Variants in WDR49 observed in about 807,000 individuals in gnomAD.
WDR49 encodes the protein cilia- and flagella-associated protein 337.
Under a neutral mutation model 119.5 loss-of-function variants are expected in WDR49, and 107 were observed. The ratio of observed to expected loss-of-function variants is 0.90; its 90% confidence interval spans 0.77 to 1.05. WDR49 has a LOEUF of 1.05. Ranked by LOEUF, WDR49 falls within the 50% of genes least tolerant of loss-of-function variation. The pLI, the probability that WDR49 is intolerant of heterozygous loss-of-function variation, is 0.00. For missense variants in WDR49, 1,240 were observed against 1,220.5 expected (o/e 1.02, Z -0.24); for synonymous variants, 425 against 418.8 (o/e 1.01, Z -0.18).
chr3:167,618,309 A>G (rs1344130304), intron 5 of WDR49, among the ~76,000 whole-genome samples: 1 of 152,212 alleles, frequency 6.6e-6, no homozygotes, highest in African/African-American at 2.4e-5. Flanking sequence ...TTTCTATTTC[A>G]TTCAGATATT....
intron 18 of WDR49, among the ~76,000 whole-genome samples, chr3:167,498,821 G>A (rs1379442854): frequency 6.6e-6 from 1 of 152,162 alleles, no homozygotes; most frequent in Non-Finnish European, 1.5e-5. Context: ...ACCCTCCTCA[G>A]TCAGATAAGG....
At position 167,553,627 on chromosome 3, in the gene WDR49, C is replaced by A. The variant is rs1029592589; in HGVS notation, c.1823+1023G>T. Among the ~76,000 whole-genome samples, 9 of 152,050 alleles carry A rather than the reference C, an allele frequency of 5.9e-5. 1 individual carries two copies. Among genetic ancestry groups the A allele is most frequent in the Admixed American group, 1.3e-4 (2 of 15,254 alleles). ...GGTAGAGAGCTAAACTTATTCATTG[C>A]CATTTTCTAAGTATAGCGATCATTA... On this transcript the variant is annotated intron_variant, in intron 10 of 18. Coordinates refer to ENST00000682715, the MANE Select transcript of WDR49 (RefSeq NM_001366157.1).
intron 18 of WDR49, among the ~76,000 whole-genome samples, chr3:167,487,882 T>C (rs1269189407): frequency 2.6e-5 from 4 of 151,842 alleles, no homozygotes; most frequent in Admixed American, 2.0e-4. Flanking sequence ...AACAGATTCT[T>C]GCAAGGCTGT....
Position 167,653,256 on chromosome 3 carries a change from C to A in WDR49, c.165+5G>T. 1 of 1,536,140 alleles carries A rather than the reference C, an allele frequency of 6.5e-7. No homozygotes were observed. The highest frequency in any genetic ancestry group is 1.2e-5 in the South Asian group (1 of 84,058). On this transcript the variant is annotated splice_donor_5th_base_variant and intron_variant, in intron 2 of 18. Transcript: ENST00000682715. ...AACTATCTGGTCAATAAGCTTCACA[C>A]TTACCTCAAAGGCCTTCTGTATTTT...
At chr3:167,482,731 AT>A (rs1254594611) in intron 18 of WDR49, among the ~76,000 whole-genome samples, 5 of 152,056 alleles carry the variant, frequency 3.3e-5, no homozygotes, top group Admixed American at 6.6e-5. Flanking sequence ...TTTGAAAAAA[AT>A]AACTTGCTGG....
At chr3:167,508,560 A>G (rs900218949) in intron 16 of WDR49, among the ~76,000 whole-genome samples, 2 of 152,198 alleles carry the variant, frequency 1.3e-5, no homozygotes, top group African/African-American at 4.8e-5. Context: ...CAAAAGCAAG[A>G]CAATATTTTT....
At chr3:167,634,533 T>C (rs968465622) in intron 2 of WDR49, among the ~76,000 whole-genome samples, 3 of 151,860 alleles carry the variant, frequency 2.0e-5, no homozygotes, top group African/African-American at 7.2e-5. Context: ...AAAAAGCATG[T>C]TTTTCAGTTA....
At chr3:167,533,959 G>A (rs559854382) in intron 11 of WDR49, among the ~76,000 whole-genome samples, 1 of 151,958 alleles carries the variant, frequency 6.6e-6, no homozygotes, top group Non-Finnish European at 1.5e-5. Flanking sequence ...GGAGGCCGAG[G>A]TGGGCAGATC....
chr3:167,542,394 C>T (rs920199615), intron 10 of WDR49, among the ~76,000 whole-genome samples: 4 of 151,994 alleles, frequency 2.6e-5, no homozygotes, highest in South Asian at 2.1e-4. Context: ...GGTGAAAAAA[C>T]AAGTTTCAAT....
In WDR49 at chr3:167,560,243, C is replaced by T; in HGVS notation, c.1510-15G>A. 1 of 1,604,636 alleles carries T rather than the reference C, an allele frequency of 6.2e-7. No homozygotes were observed. Among genetic ancestry groups the T allele is most frequent in the Non-Finnish European group, 8.5e-7 (1 of 1,175,320 alleles). ...GAGCTGATTACCTAAGAGAAAATAA[C>T]ATTTTAAAGAAATTAAATATAGTCT... On this transcript the variant is annotated splice_polypyrimidine_tract_variant and intron_variant, in intron 8 of 18. Transcript: ENST00000682715.
At chr3:167,493,411 G>A (rs922111557) in intron 18 of WDR49, among the ~76,000 whole-genome samples, 1 of 152,120 alleles carries the variant, frequency 6.6e-6, no homozygotes, top group African/African-American at 2.4e-5. Flanking sequence ...TATTGGTTCT[G>A]CAGTGAGTTC....
chr3:167,621,357 C>T, intron 4 of WDR49, 110 bp downstream of exon 4: 1 of 1,125,874 alleles, frequency 8.9e-7, no homozygotes, highest in South Asian at 1.9e-5. Context: ...GCATGTAATC[C>T]ATAATGTAAT....
intron 10 of WDR49, among the ~76,000 whole-genome samples, chr3:167,548,316 T>A (rs1371052478): frequency 6.6e-6 from 1 of 152,030 alleles, no homozygotes; most frequent in African/African-American, 2.4e-5. Context: ...ACTTGTACAG[T>A]TTGATTTCTG....
At chr3:167,523,600 T>C (rs1752531294) in intron 15 of WDR49, among the ~76,000 whole-genome samples, 1 of 152,022 alleles carries the variant, frequency 6.6e-6, no homozygotes, top group Admixed American at 6.6e-5. Context: ...CCTGTGTCCA[T>C]GTGTTCTAAT....
chr3:167,530,247 CAATA>C (rs1034927722), intron 13 of WDR49, among the ~76,000 whole-genome samples: 2 of 151,874 alleles, frequency 1.3e-5, no homozygotes, highest in African/African-American at 4.8e-5. Flanking sequence ...ATATGGGAAA[CAATA>C]AACATAATTC....
At position 167,632,717 on chromosome 3, in the gene WDR49, C is replaced by A. The variant is rs1717427569; in HGVS notation, c.166-5425G>T. Among the ~76,000 whole-genome samples, 4 of 151,832 alleles carry A rather than the reference C, an allele frequency of 2.6e-5. No individual in the cohort carries two copies. In the South Asian group the frequency reaches 6.2e-4, roughly 24 times the overall value. On this transcript the variant is annotated intron_variant, in intron 2 of 18. Coordinates refer to ENST00000682715, the MANE Select transcript of WDR49 (RefSeq NM_001366157.1). ...AAAGCACAAATGCATTAACTTTTAC[C>A]ACACAATTAATTCTTGCTTTATCAG...
At chr3:167,649,660 T>G (rs1203059553) in intron 2 of WDR49, among the ~76,000 whole-genome samples, 1 of 152,238 alleles carries the variant, frequency 6.6e-6, no homozygotes, top group Non-Finnish European at 1.5e-5. Context: ...AAGACAGATT[T>G]GTTTTAAGAA....
intron 10 of WDR49, 138 bp downstream of exon 10, chr3:167,554,512 C>T: frequency 2.1e-6 from 1 of 485,486 alleles, no homozygotes; most frequent in Non-Finnish European, 3.6e-6. Context: ...ATTTTATTCA[C>T]TAAGCATTCA....
chr3:167,632,556 T>C (rs910159517), intron 2 of WDR49, among the ~76,000 whole-genome samples: 2 of 152,072 alleles, frequency 1.3e-5, no homozygotes, highest in Non-Finnish European at 2.9e-5. Flanking sequence ...TCTAGTAGTT[T>C]GTTTTTACTA....
Sources: gnomAD v4.1 joint callset for allele counts (sites outside exome capture counted in the v4.1 genomes callset) on GRCh38, gnomAD v4.1.1 for gene constraint, MANE v1.5 for transcripts, NCBI Gene and HGNC (gene_info 2026-07-23, HGNC 2026-07-21) for gene names.